The following ZNRF3 variants were observed in gnomAD, a reference collection of about 807,000 sequenced individuals.
ZNRF3 encodes the protein E3 ubiquitin-protein ligase ZNRF3.
In ZNRF3, 23 loss-of-function variants were observed where a neutral mutation model predicts 72.5. The ratio of observed to expected loss-of-function variants is 0.32; its 90% CI spans 0.23 to 0.45. ZNRF3 has a LOEUF of 0.45. Ranked by LOEUF, ZNRF3 falls within the 20% of genes least tolerant of loss-of-function variation. ZNRF3 has a pLI of 1.00. For missense variants in ZNRF3, 1,169 were observed against 1,272.1 expected (o/e 0.92, Z 1.23); for synonymous variants, 610 against 545.3 (o/e 1.12, Z -1.65).
rs148473187 is a variant in ZNRF3 at position 28,920,119 on chromosome 22, G to A, written c.300+36053G>A. 1.4e-3 allele frequency among the ~76,000 whole-genome samples: 204 copies of A among 150,594 alleles called. 2 individuals are homozygous for A. Among genetic ancestry groups the A allele is most frequent in the African/African-American group, 4.5e-3 (183 of 40,906 alleles). ...CGAGTAGCTGGGATTACAGGCATCC[G>A]CCACTATGCCCAGCTATTTTTTTTT... On this transcript the variant is annotated intron_variant, in intron 1 of 8. Coordinates refer to ENST00000544604, the MANE Select transcript of ZNRF3 (RefSeq NM_001206998.2).
At chr22:28,999,588 A>G (rs2036108788) in intron 2 of ZNRF3, among the ~76,000 whole-genome samples, 1 of 152,220 alleles carries the variant, frequency 6.6e-6, no homozygotes, top group African/African-American at 2.4e-5. Flanking sequence ...GACAAGCCCA[A>G]AAGTCCCATC....
At chr22:29,029,783 A>G (rs966712503) in intron 2 of ZNRF3, among the ~76,000 whole-genome samples, 8 of 152,176 alleles carry the variant, frequency 5.3e-5, no homozygotes, top group African/African-American at 1.7e-4. Context: ...TGAGGAACTC[A>G]GCCTTCAGAG....
At chr22:28,982,433 C>CAAAAAAAAAAAAAAAA (rs61589852) in intron 1 of ZNRF3, among the ~76,000 whole-genome samples, 2 of 76,532 alleles carry the variant, frequency 2.6e-5, no homozygotes, top group Admixed American at 1.4e-4. Context: ...CCTGTCTCTA[C>CAAAAAAAAAAAAAAAA]AAAAAAAAAA....
At chr22:28,892,356 A>C (rs1004158020) in intron 1 of ZNRF3, among the ~76,000 whole-genome samples, 1 of 152,220 alleles carries the variant, frequency 6.6e-6, no homozygotes, top group African/African-American at 2.4e-5. Context: ...GAAACAGCCT[A>C]TAGGATACTG....
chr22:28,994,162 CCTTCAGTTCCTTTCTT>C (rs2123835182), intron 2 of ZNRF3, among the ~76,000 whole-genome samples: 1 of 117,114 alleles, frequency 8.5e-6, no homozygotes, highest in East Asian at 2.4e-4. Flanking sequence ...CCTTTATTGT[CCTTCAGTTCCTTTCTT>C]TTTTTTTTTT....
chr22:29,023,973 A>G (rs1467475009), intron 2 of ZNRF3, among the ~76,000 whole-genome samples: 2 of 152,148 alleles, frequency 1.3e-5, no homozygotes, highest in Non-Finnish European at 2.9e-5. Flanking sequence ...CAGACTGCCA[A>G]ACTCCTGGAT....
intron 1 of ZNRF3, among the ~76,000 whole-genome samples, chr22:28,966,004 G>A (rs1007398944): frequency 2.6e-5 from 4 of 152,198 alleles, no homozygotes; most frequent in Admixed American, 6.5e-5. Flanking sequence ...TTGAAACAGT[G>A]TAAACTTGGT....
intron 1 of ZNRF3, among the ~76,000 whole-genome samples, chr22:28,982,433 CA>C (rs61589852): frequency 0.018 from 1,343 of 76,434 alleles, 9 homozygotes; most frequent in African/African-American, 0.069. Context: ...CCTGTCTCTA[CA>C]AAAAAAAAAA....
intron 1 of ZNRF3, among the ~76,000 whole-genome samples, chr22:28,908,395 C>T (rs1199262531): frequency 5.3e-5 from 8 of 152,162 alleles, no homozygotes; most frequent in Admixed American, 4.6e-4. Flanking sequence ...GCAGTAATAT[C>T]TAGAAACACA....
At chr22:28,910,318 G>A (rs552212151) in intron 1 of ZNRF3, among the ~76,000 whole-genome samples, 97 of 152,334 alleles carry the variant, frequency 6.4e-4, no homozygotes, top group African/African-American at 2.1e-3. Flanking sequence ...TGGGATTACA[G>A]GCATGAGCCA....
chr22:28,898,051 T>A lies in ZNRF3; in HGVS notation c.300+13985T>A, dbSNP rs972702499. ...TCCGCCTCCTAGTCTCAAACGATCC[T>A]CCCACCTGAGCCTCCTGAGTAGCTG... On this transcript the variant is annotated intron_variant, in intron 1 of 8. Transcript: ENST00000544604. 1.1e-4 allele frequency among the ~76,000 whole-genome samples: 17 copies of A among 152,164 alleles called. 1 individual carries two copies. The South Asian group carries it at 1.7e-3, about 15-fold the overall frequency.
chr22:28,949,129 G>A (rs1344575403), intron 1 of ZNRF3, among the ~76,000 whole-genome samples: 1 of 151,932 alleles, frequency 6.6e-6, no homozygotes, highest in African/African-American at 2.4e-5. Flanking sequence ...ACAGGCACGC[G>A]CCACCACGCC....
intron 1 of ZNRF3, among the ~76,000 whole-genome samples, chr22:28,936,068 T>C (rs2123782532): frequency 6.6e-6 from 1 of 152,206 alleles, no homozygotes; most frequent in East Asian, 1.9e-4. Flanking sequence ...TTGGCACAGG[T>C]TTCTCTGAGT....
At chr22:28,939,283 C>CA (rs132557) in intron 1 of ZNRF3, among the ~76,000 whole-genome samples, 103,267 of 128,436 alleles carry the variant, frequency 0.8, 41,690 homozygotes, top group East Asian at 0.92. Context: ...GGCTCTATCT[C>CA]AAAAAAAAAA....
intron 3 of ZNRF3, among the ~76,000 whole-genome samples, 168 bp from the exon 4 acceptor site, chr22:29,043,130 CA>C (rs888274827): frequency 2.0e-5 from 3 of 152,118 alleles, no homozygotes; most frequent in African/African-American, 7.2e-5. Context: ...CATCCCAAAA[CA>C]AGCGTCATTC....
intron 1 of ZNRF3, among the ~76,000 whole-genome samples, chr22:28,949,059 A>G: frequency 6.6e-6 from 1 of 151,856 alleles, no homozygotes; most frequent in East Asian, 1.9e-4. Flanking sequence ...GGCTCACTGC[A>G]ACCTCTGCCT....
rs555635396 is a variant in ZNRF3 at position 28,940,045 on chromosome 22, T to G, written c.301-47031T>G. Among the ~76,000 whole-genome samples the G allele has an allele frequency of 2.6e-5, 4 of 152,296 alleles. No individual in the cohort carries two copies. In the East Asian group the frequency reaches 7.7e-4, roughly 29 times the overall value. On this transcript the variant is annotated intron_variant, in intron 1 of 8. Transcript: ENST00000544604. ...TTTATGTTGATATTTTCCCCCAACT[T>G]AGAAAAGCAGAACAAAACCTCAGCA...
chr22:29,017,806 G>A (rs1299692864), intron 2 of ZNRF3, among the ~76,000 whole-genome samples: 2 of 152,110 alleles, frequency 1.3e-5, no homozygotes, highest in Non-Finnish European at 2.9e-5. Flanking sequence ...GATGAGTGCA[G>A]AAAAGACTCA....
intron 1 of ZNRF3, among the ~76,000 whole-genome samples, chr22:28,949,838 A>G (rs1242095842): frequency 6.6e-6 from 1 of 152,194 alleles, no homozygotes; most frequent in Non-Finnish European, 1.5e-5. Flanking sequence ...GTGTTCCGTG[A>G]AAAAAGTTGA....
Sources: allele counts gnomAD v4.1 joint callset (sites outside exome capture counted in the v4.1 genomes callset), GRCh38; gene constraint gnomAD v4.1.1; transcripts MANE v1.5; gene names NCBI Gene and HGNC (gene_info 2026-07-23, HGNC 2026-07-21).